Variants in CLEC16A observed in about 807,000 individuals in gnomAD.
CLEC16A encodes the protein protein CLEC16A.
A neutral mutation model predicts 109.5 loss-of-function variants in CLEC16A; 51 were observed. The ratio of observed to expected loss-of-function variants is 0.47; its 90% CI spans 0.37 to 0.59. CLEC16A has a LOEUF of 0.59. Among genes scored for constraint, CLEC16A ranks in the 20% least tolerant of loss-of-function variants. The pLI, the probability that CLEC16A is intolerant of heterozygous loss-of-function variation, is 0.00. For missense variants in CLEC16A, 1,339 were observed against 1,394.0 expected (o/e 0.96, Z 0.63); for synonymous variants, 673 against 564.2 (o/e 1.19, Z -2.73).
At chr16:10,981,786 G>A (rs577886100) in intron 9 of CLEC16A, among the ~76,000 whole-genome samples, 142 of 152,336 alleles carry the variant, frequency 9.3e-4, no homozygotes, top group African/African-American at 3.2e-3. Flanking sequence ...CAGGGTTCTC[G>A]TATGTCCTAA....
chr16:11,098,205 G>C (rs1369404682), intron 19 of CLEC16A, among the ~76,000 whole-genome samples: 1 of 152,222 alleles, frequency 6.6e-6, no homozygotes, highest in Non-Finnish European at 1.5e-5. Context: ...GGCAAACAAT[G>C]AGTTCTCAGT....
chr16:11,104,051 G>A (rs1183345703), intron 19 of CLEC16A, among the ~76,000 whole-genome samples: 2 of 152,154 alleles, frequency 1.3e-5, no homozygotes, highest in Non-Finnish European at 2.9e-5. Context: ...GATGTGTGTG[G>A]CACCCACAGA....
chr16:11,163,192 A>G (rs2054787595), intron 22 of CLEC16A, among the ~76,000 whole-genome samples: 1 of 152,206 alleles, frequency 6.6e-6, no homozygotes, highest in Non-Finnish European at 1.5e-5. Flanking sequence ...CTGGCCATAG[A>G]CATTCACCCT....
intron 13 of CLEC16A, among the ~76,000 whole-genome samples, chr16:11,037,559 A>G (rs1215983074): frequency 1.3e-5 from 2 of 152,132 alleles, no homozygotes; most frequent in African/African-American, 2.4e-5. Context: ...TTCTAAGGAG[A>G]CGGAGGGGCA....
rs549843611 is a variant in CLEC16A, at chr16:10,979,394, C to G, written c.957+12C>G. Reference sequence around the variant, plus strand: ...ATCTTCTGTCACAGGTATGCTTGATCATTCACCAATGTCCCCACTACATTT... The same window carrying G: ...ATCTTCTGTCACAGGTATGCTTGATGATTCACCAATGTCCCCACTACATTT... On this transcript the variant is annotated intron_variant, in intron 9 of 23. Coordinates refer to ENST00000409790, the MANE Select transcript of CLEC16A (RefSeq NM_015226.3). The G allele has an allele frequency of 6.2e-7, 1 of 1,611,848 alleles. No individual in the cohort carries two copies. The highest frequency in any genetic ancestry group is 1.3e-5 in the African/African-American group (1 of 74,992).
At position 11,174,189 on chromosome 16, in the gene CLEC16A, A is replaced by G. The variant is rs1166940573; in HGVS notation, c.2807-4146A>G. 8.5e-6 allele frequency: 4 copies of G among 469,728 alleles called. No homozygotes were observed. In the Admixed American group the frequency reaches 9.4e-5, roughly 11 times the overall value. The allele number at this position is 469,728 out of a possible 1,614,324, so 29.1% of individuals were successfully genotyped here. On this transcript the variant is annotated intron_variant, in intron 23 of 23. Transcript: ENST00000409790. This position sits in a 1 kb window ranked among gnomAD's most constrained non-coding sequence, Gnocchi z 4.7. The stretch of plus-strand genomic sequence containing the variant: ...CAGGAAAGGACGCCGACGAGTGTTC[A>G]GCCTGTCGGAGGCCGACAGTCATGG...
At chr16:11,030,188 T>A (rs2046656856) in intron 13 of CLEC16A, among the ~76,000 whole-genome samples, 1 of 152,248 alleles carries the variant, frequency 6.6e-6, no homozygotes, top group African/African-American at 2.4e-5. Context: ...TGTGAGCATT[T>A]GTGTGGCCCC....
At chr16:11,141,983 T>G (rs1395100083) in intron 22 of CLEC16A, among the ~76,000 whole-genome samples, 1 of 152,060 alleles carries the variant, frequency 6.6e-6, no homozygotes, top group Non-Finnish European at 1.5e-5. Flanking sequence ...GTCCTGAGGT[T>G]GAAAGGTTTA....
chr16:10,947,955 A>C (rs565791353), intron 1 of CLEC16A, among the ~76,000 whole-genome samples: 1 of 151,872 alleles, frequency 6.6e-6, no homozygotes, highest in Non-Finnish European at 1.5e-5. Context: ...GTGCAGTGGC[A>C]CGATCTTGGC....
intron 11 of CLEC16A, among the ~76,000 whole-genome samples, chr16:11,009,284 TA>T (rs1374337358): frequency 4.6e-5 from 7 of 152,224 alleles, no homozygotes; most frequent in Non-Finnish European, 2.9e-5. Context: ...TTCTTTTTTT[TA>T]GGCTGAATAA....
chr16:11,136,568 C>T (rs1013464016), intron 22 of CLEC16A, among the ~76,000 whole-genome samples: 3 of 152,194 alleles, frequency 2.0e-5, no homozygotes, highest in Non-Finnish European at 4.4e-5. Flanking sequence ...AACAAAATTA[C>T]GAATGCAGTA....
At chr16:11,026,372 G>A (rs1383903497) in intron 13 of CLEC16A, among the ~76,000 whole-genome samples, 1 of 152,138 alleles carries the variant, frequency 6.6e-6, no homozygotes, top group Non-Finnish European at 1.5e-5. Context: ...ATTTCTTCTT[G>A]AGTGAGCTTT....
intron 19 of CLEC16A, among the ~76,000 whole-genome samples, chr16:11,085,673 G>A (rs893337261): frequency 2.4e-4 from 37 of 152,352 alleles, no homozygotes; most frequent in African/African-American, 8.4e-4. Flanking sequence ...GATCTGAGTG[G>A]CTTCATCCCA....
At chr16:11,073,429 C>T (rs1049710050) in intron 19 of CLEC16A, among the ~76,000 whole-genome samples, 1 of 152,158 alleles carries the variant, frequency 6.6e-6, no homozygotes, top group South Asian at 2.1e-4. Flanking sequence ...ACACCTCTCC[C>T]CTGCCCAGTA....
At chr16:11,044,809 G>C (rs773146686) in intron 16 of CLEC16A, among the ~76,000 whole-genome samples, 2 of 151,402 alleles carry the variant, frequency 1.3e-5, no homozygotes, top group African/African-American at 2.4e-5. Flanking sequence ...GCGTGTAATT[G>C]CAGCTACTCG....
chr16:10,966,311 T>C (rs2042504242), intron 3 of CLEC16A, among the ~76,000 whole-genome samples: 1 of 152,164 alleles, frequency 6.6e-6, no homozygotes, highest in Admixed American at 6.5e-5. Context: ...ACATAGGAAG[T>C]GTGCGTACTG....
chr16:11,005,416 A>G (rs778794906), intron 11 of CLEC16A, among the ~76,000 whole-genome samples: 8 of 152,124 alleles, frequency 5.3e-5, no homozygotes, highest in African/African-American at 1.7e-4. Context: ...GGACCCAGGA[A>G]TCTCCCCAGA....
At chr16:11,031,837 A>G (rs1485650129) in intron 13 of CLEC16A, among the ~76,000 whole-genome samples, 1 of 152,244 alleles carries the variant, frequency 6.6e-6, no homozygotes, top group African/African-American at 2.4e-5. Context: ...AGCAATCAGG[A>G]GAGGCCTCTT....
chr16:11,116,482 G>T (rs76576206), intron 19 of CLEC16A, among the ~76,000 whole-genome samples: 5,629 of 152,194 alleles, frequency 0.037, 395 homozygotes, highest in African/African-American at 0.13. Context: ...CTGACTTCGG[G>T]GGTCATGTGC....
Sources: allele counts gnomAD v4.1 joint callset (sites outside exome capture counted in the v4.1 genomes callset), GRCh38; gene constraint gnomAD v4.1.1; non-coding constraint Gnocchi (gnomAD v3.1); transcripts MANE v1.5; gene names NCBI Gene and HGNC (gene_info 2026-07-23, HGNC 2026-07-21).